Variants in ABCC5 observed in about 807,000 individuals in gnomAD.
ABCC5 encodes ATP binding cassette subfamily C member 5.
In ABCC5, 61 loss-of-function variants were observed where a neutral mutation model predicts 160.9. The ratio of observed to expected loss-of-function variants is 0.38; its 90% CI spans 0.31 to 0.47. ABCC5 has a LOEUF of 0.47. Ranked by LOEUF, ABCC5 falls within the 20% of genes least tolerant of loss-of-function variation. The pLI is 0.99. For missense variants in ABCC5, 1,308 were observed against 1,813.3 expected (o/e 0.72, Z 5.06); for synonymous variants, 666 against 700.6 (o/e 0.95, Z 0.78).
chr3:183,929,893 C>T (rs561235405), intron 26 of ABCC5, among the ~76,000 whole-genome samples: 1 of 152,288 alleles, frequency 6.6e-6, no homozygotes, highest in African/African-American at 2.4e-5. Flanking sequence ...GCTGGGATTA[C>T]AGGCATGAGC....
chr3:183,951,257 A>G lies in ABCC5; in HGVS notation c.2944+184T>C, dbSNP rs1715315823. Among the ~76,000 whole-genome samples, 1 of 152,210 alleles carries G rather than the reference A, an allele frequency of 6.6e-6. No individual in the cohort carries two copies. Among genetic ancestry groups the G allele is most frequent in the South Asian group, 2.1e-4 (1 of 4,834 alleles). ...CAAAGCCTTTCTGCTAACTCAATTC[A>G]TTGAATTTATTTTCAGGTCAAACAA... On this transcript the variant is annotated intron_variant, in intron 20 of 29. Coordinates refer to ENST00000334444, the MANE Select transcript of ABCC5 (RefSeq NM_005688.4). This position sits in a 1 kb window ranked among gnomAD's most constrained non-coding sequence, Gnocchi z 4.7.
At position 184,014,406 on chromosome 3, in the gene ABCC5, A is replaced by T; in HGVS notation, c.-14T>A. 2 of 1,606,364 alleles carry T rather than the reference A, an allele frequency of 1.2e-6. No homozygotes were observed. The highest frequency in any genetic ancestry group is 1.7e-6 in the Non-Finnish European group (2 of 1,176,800). On this transcript the variant is annotated 5_prime_UTR_variant, in exon 2 of 30. Coordinates refer to ENST00000334444, the MANE Select transcript of ABCC5 (RefSeq NM_005688.4). ...GATATCCTTCATCTTCTCTGAGTGG[A>T]GGTTCCAGGGCTCACAGACTGTTAG...
chr3:183,992,074 A>G (rs1412417050), intron 2 of ABCC5, among the ~76,000 whole-genome samples: 4 of 152,242 alleles, frequency 2.6e-5, no homozygotes. Flanking sequence ...CTATAAAGCA[A>G]ACCTCAACAA....
Sources: allele counts gnomAD v4.1 joint callset (sites outside exome capture counted in the v4.1 genomes callset), GRCh38; gene constraint gnomAD v4.1.1; non-coding constraint Gnocchi (gnomAD v3.1); transcripts MANE v1.5; gene names NCBI Gene and HGNC (gene_info 2026-07-23, HGNC 2026-07-21).